RASA2: variants seen among roughly 807,000 people sequenced by gnomAD.
The protein encoded by RASA2 is RAS p21 protein activator 2.
Under a neutral mutation model 118.2 loss-of-function variants are expected in RASA2, and 155 were observed. The observed-to-expected ratio is 1.31, with a 90% CI of 1.15 to 1.50. The LOEUF is 1.50. Among genes scored for constraint, RASA2 ranks in the 40% most tolerant of loss-of-function variants. The pLI, the probability that RASA2 is intolerant of heterozygous loss-of-function variation, is 0.00. For synonymous variants in RASA2, 353 were observed against 349.1 expected (o/e 1.01, Z -0.12); for missense variants, 1,016 against 1,009.6 (o/e 1.01, Z -0.09).
chr3:141,547,288 GGTAGTATGGACATTTTAACAACA>G (rs1206113948), intron 5 of RASA2, among the ~76,000 whole-genome samples: 1 of 152,046 alleles, frequency 6.6e-6, no homozygotes, highest in Non-Finnish European at 1.5e-5. Context: ...GATTGCTTTA[GGTAGTATGGACATTTTAACAACA>G]TTGATTCTTC....
intron 5 of RASA2, among the ~76,000 whole-genome samples, chr3:141,552,768 C>CT (rs969995776): frequency 7.2e-5 from 11 of 152,154 alleles, no homozygotes; most frequent in African/African-American, 2.7e-4. Flanking sequence ...CTTTACTCTG[C>CT]AGTATACCAA....
At chr3:141,534,088 A>G (rs1199401563) in intron 4 of RASA2, among the ~76,000 whole-genome samples, 1 of 152,176 alleles carries the variant, frequency 6.6e-6, no homozygotes, top group Non-Finnish European at 1.5e-5. Flanking sequence ...TGAAGTTAAT[A>G]TGGGTTGTGC....
chr3:141,513,382 C>G (rs2081981346), intron 2 of RASA2, among the ~76,000 whole-genome samples: 1 of 151,890 alleles, frequency 6.6e-6, no homozygotes, highest in Non-Finnish European at 1.5e-5. Flanking sequence ...AACTTGAAAT[C>G]TTTAGTCTTA....
intron 4 of RASA2, among the ~76,000 whole-genome samples, chr3:141,539,085 A>G (rs1337376788): frequency 6.6e-6 from 1 of 152,200 alleles, no homozygotes; most frequent in African/African-American, 2.4e-5. Flanking sequence ...AGTAATACAT[A>G]CATGCTGTCA....
chr3:141,564,887 C>T (rs1380278758), intron 9 of RASA2, among the ~76,000 whole-genome samples: 2 of 152,124 alleles, frequency 1.3e-5, no homozygotes, highest in Admixed American at 1.3e-4. Flanking sequence ...GGTACTTATG[C>T]CACTTGACTA....
chr3:141,596,212 C>G (rs1560058884), intron 19 of RASA2, among the ~76,000 whole-genome samples: 3 of 152,180 alleles, frequency 2.0e-5, no homozygotes, highest in East Asian at 3.9e-4. Context: ...AATATGATAC[C>G]TGGAAGAGCC....
chr3:141,611,234 A>G (rs551577605), intron 23 of RASA2, among the ~76,000 whole-genome samples: 4 of 152,264 alleles, frequency 2.6e-5, no homozygotes, highest in South Asian at 2.1e-4. Context: ...CACTCAGCCA[A>G]CCTCAACAAG....
intron 9 of RASA2, among the ~76,000 whole-genome samples, chr3:141,561,354 G>A (rs1480119766): frequency 7.9e-5 from 12 of 152,186 alleles, no homozygotes; most frequent in Non-Finnish European, 5.9e-5. Flanking sequence ...CTCCAGAGAT[G>A]CCTTCCAAAT....
At chr3:141,547,389 A>G (rs2082501091) in intron 5 of RASA2, among the ~76,000 whole-genome samples, 1 of 152,056 alleles carries the variant, frequency 6.6e-6, no homozygotes, top group South Asian at 2.1e-4. Flanking sequence ...TCAGTGTTTT[A>G]CAGTTTTCAT....
chr3:141,598,467 C>A (rs545680969), intron 19 of RASA2, among the ~76,000 whole-genome samples: 2 of 152,250 alleles, frequency 1.3e-5, no homozygotes, highest in African/African-American at 4.8e-5. Context: ...TAAATCTGAT[C>A]AAAAGTGTAT....
chr3:141,591,409 G>T (rs2083283511), intron 19 of RASA2, among the ~76,000 whole-genome samples: 1 of 152,066 alleles, frequency 6.6e-6, no homozygotes, highest in African/African-American at 2.4e-5. Flanking sequence ...CCCTTACTGT[G>T]TATCTTCAGC....
rs1184656401 is a variant in RASA2 at position 141,586,062 on chromosome 3, C to T, written c.1790C>T (p.Ser597Phe). 1 of 1,611,142 alleles carries T rather than the reference C, an allele frequency of 6.2e-7. No homozygotes were observed. The highest frequency in any genetic ancestry group is 1.7e-5 in the Admixed American group (1 of 59,912). ...ATTTCATCTACTGAAACTAAAGAGTCCAGTGGTACGAGTGAGCCTGTGCAC... is the reference window on the plus strand; with the variant it reads ...ATTTCATCTACTGAAACTAAAGAGTTCAGTGGTACGAGTGAGCCTGTGCAC... ...DEISSTETKE[S>F]SGTSEPVHLK... The change falls in exon 18 of 24, where the codon TCC becomes TTC. Residue 597 changes from serine (S) to phenylalanine (F), a missense_variant. Transcript: ENST00000286364.
chr3:141,559,952 G>T lies in RASA2; in HGVS notation c.820G>T (p.Val274Phe), dbSNP rs1294770280. 6.2e-7 allele frequency: 1 copy of T among 1,613,146 alleles called. No homozygotes were observed. The highest frequency in any genetic ancestry group is 2.2e-5 in the East Asian group (1 of 44,782). Residue 274 changes from valine to phenylalanine, a missense_variant, in exon 9 of 24, where the codon GTT (valine) becomes TTT (phenylalanine). Physicochemically the swap from Val to Phe is conservative, Grantham distance 50. Coordinates refer to ENST00000286364, the MANE Select transcript of RASA2 (RefSeq NM_006506.5). The part of the protein sequence containing the change: ...VQDVFLGEIK[V>F]PVNVLRTDSS... ...AGATGTTTTCCTAGGTGAGATTAAG[G>T]TTCCTGTGAACGTATTAAGAACTGA...
At chr3:141,487,296 CG>C in intron 1 of RASA2, 80 bp downstream of exon 1, 1 of 1,190,156 alleles carries the variant, frequency 8.4e-7, no homozygotes, top group Non-Finnish European at 1.0e-6. Flanking sequence ...GCGGCGGTGG[CG>C]GCGCCGAGCT....
chr3:141,604,364 G>T (rs1341467938), intron 19 of RASA2, among the ~76,000 whole-genome samples: 1 of 151,994 alleles, frequency 6.6e-6, no homozygotes, highest in Non-Finnish European at 1.5e-5. Flanking sequence ...GAGGAAACTT[G>T]ACTATCCTAT....
At chr3:141,526,472 C>G (rs1450329596) in intron 3 of RASA2, among the ~76,000 whole-genome samples, 1 of 151,948 alleles carries the variant, frequency 6.6e-6, no homozygotes, top group African/African-American at 2.4e-5. Flanking sequence ...TTCTCCTCTC[C>G]CTCTTCCCTG....
At chr3:141,583,180 T>A (rs1270513950) in intron 17 of RASA2, among the ~76,000 whole-genome samples, 1 of 152,154 alleles carries the variant, frequency 6.6e-6, no homozygotes, top group Non-Finnish European at 1.5e-5. Context: ...TCCCAGCACT[T>A]TGGGAGGCCG....
Position 141,608,568 on chromosome 3 carries a change from T to C in RASA2, c.2096T>C (p.Val699Ala). ...GTAGAAGCTAATGAATGGATAGACG[T>C]ACTCTGCAGGGTGAGCCGATGCAAT... Reference protein sequence around the residue: ...NCVEANEWIDVLCRVSRCNQN... With the variant: ...NCVEANEWIDALCRVSRCNQN... Residue 699 changes from valine to alanine, a missense_variant, in exon 21 of 24, where the codon GTA becomes GCA. By Grantham distance (64) the Val-to-Ala change is moderately conservative (BLOSUM62 0). Around this residue, in one of 2 missense-constraint regions of RASA2, gnomAD observed 896 missense variants for 836.4 expected, o/e 1.07. Coordinates refer to ENST00000286364, the MANE Select transcript of RASA2 (RefSeq NM_006506.5). The C allele has an allele frequency of 6.2e-7, 1 of 1,614,020 alleles. No individual in the cohort carries two copies. The highest frequency in any genetic ancestry group is 8.5e-7 in the Non-Finnish European group (1 of 1,179,918).
Position 141,516,388 on chromosome 3 carries a change from CTA to C in RASA2, c.314_315del (p.Tyr105CysfsTer3), listed in dbSNP as rs1414674152. 1 of 1,560,070 alleles carries C rather than the reference CTA, an allele frequency of 6.4e-7. No individual in the cohort carries two copies. Among genetic ancestry groups the C allele is most frequent in the Admixed American group, 1.9e-5 (1 of 53,798 alleles). ...IPRTFQYLSF[Y>X]VYDKNVLQRD... ...CAAGAACTTTCCAGTATTTGTCTTT[CTA>C]TGTTTATGATAAGAATGTTTTACAA... On this transcript the variant is annotated frameshift_variant, in exon 3 of 24. Transcript: ENST00000286364. LOFTEE classifies it high-confidence loss of function.
Sources: allele counts gnomAD v4.1 joint callset (sites outside exome capture counted in the v4.1 genomes callset), GRCh38; gene constraint gnomAD v4.1.1; regional missense constraint gnomAD v4.1.1; transcripts MANE v1.5; gene names NCBI Gene and HGNC (gene_info 2026-07-23, HGNC 2026-07-21).